Variants in ANKRD36 observed in about 807,000 individuals in gnomAD.
ANKRD36 encodes ankyrin repeat domain 36, also known as ankyrin repeat domain-containing protein 36A.
ANKRD36 carries 179 observed loss-of-function variants against 278.1 expected under a neutral mutation model. That is an observed-to-expected ratio of 0.64 (90% CI 0.57 to 0.73). The LOEUF (loss-of-function observed/expected upper bound fraction) is 0.73. Ranked by LOEUF, ANKRD36 falls within the 30% of genes least tolerant of loss-of-function variation. The probability of loss-of-function intolerance (pLI) is 0.00; values close to 1 mark genes in which losing one functional copy is unlikely to be tolerated. For synonymous variants in ANKRD36, 320 were observed against 641.1 expected (o/e 0.50, Z 7.57); for missense variants, 1,159 against 1,956.7 (o/e 0.59, Z 7.69).
At chr2:97,202,817 T>C (rs1487558603) in intron 48 of ANKRD36, among the ~76,000 whole-genome samples, 4 of 151,774 alleles carry the variant, frequency 2.6e-5, no homozygotes, top group South Asian at 2.1e-4. Context: ...AAGGAGACCC[T>C]TGTTGTAGCA....
intron 64 of ANKRD36, 44 bp from the exon 65 acceptor site, chr2:97,219,006 C>G (rs1301264944): frequency 6.5e-7 from 1 of 1,534,296 alleles, no homozygotes; most frequent in Non-Finnish European, 8.8e-7. Context: ...GTTGGCCTTA[C>G]CATATTTACA....
At chr2:97,195,972 G>A (rs540934297) in intron 40 of ANKRD36, among the ~76,000 whole-genome samples, 2 of 151,984 alleles carry the variant, frequency 1.3e-5, no homozygotes, top group Non-Finnish European at 2.9e-5. Flanking sequence ...GGCTAAACTA[G>A]TGGATACAAG....
intron 6 of ANKRD36, among the ~76,000 whole-genome samples, chr2:97,128,009 G>A (rs1036129739): frequency 1.3e-5 from 2 of 151,932 alleles, no homozygotes; most frequent in African/African-American, 4.8e-5. Context: ...AACATTGAAT[G>A]TAAAACATTA....
At position 97,118,496 on chromosome 2, in the gene ANKRD36, A is replaced by C; in HGVS notation, c.465A>C (p.Thr155=). The change falls in exon 3 of 76, where the codon ACA becomes ACC. Residue 155 remains threonine (T), a synonymous_variant. Transcript: ENST00000420699. ...TAGAAAAACTTCTTTCACATGGTAC[A>C]AATATTGAAGAATGCAGCAAGGTAT... ...SMIEKLLSHG[T]NIEECSKCEY... 6 of 1,595,044 alleles carry C rather than the reference A, an allele frequency of 3.8e-6. No homozygotes were observed. The highest frequency in any genetic ancestry group is 4.3e-6 in the Non-Finnish European group (5 of 1,172,152).
intron 6 of ANKRD36, among the ~76,000 whole-genome samples, chr2:97,129,289 A>C (rs1156422317): frequency 6.6e-6 from 1 of 152,078 alleles, no homozygotes; most frequent in Non-Finnish European, 1.5e-5. Flanking sequence ...GTGTCTGTTC[A>C]TATCCTTCGC....
At chr2:97,116,315 G>T (rs1489520176) in intron 1 of ANKRD36, among the ~76,000 whole-genome samples, 1 of 151,976 alleles carries the variant, frequency 6.6e-6, no homozygotes, top group Non-Finnish European at 1.5e-5. Context: ...TCACCCTGTT[G>T]CCCAGCCTGG....
At chr2:97,177,196 G>A (rs1458658757) in intron 22 of ANKRD36, among the ~76,000 whole-genome samples, 2 of 151,788 alleles carry the variant, frequency 1.3e-5, no homozygotes, top group African/African-American at 2.4e-5. Flanking sequence ...ACAAATGGAA[G>A]AACATTCCAT....
chr2:97,201,588 A>G (rs1453951540), intron 46 of ANKRD36, among the ~76,000 whole-genome samples: 1 of 151,956 alleles, frequency 6.6e-6, no homozygotes, highest in Non-Finnish European at 1.5e-5. Context: ...TAGTGGATAC[A>G]AGAAGCTTAT....
intron 5 of ANKRD36, 23 bp from the exon 6 acceptor site, chr2:97,127,044 A>G: frequency 1.0e-6 from 1 of 970,268 alleles, no homozygotes; most frequent in Non-Finnish European, 1.5e-6. Flanking sequence ...TAAAATATTA[A>G]TTTCATTTAT....
intron 34 of ANKRD36, among the ~76,000 whole-genome samples, chr2:97,190,177 A>C (rs142469633): frequency 0.064 from 5,966 of 92,612 alleles, 707 homozygotes; most frequent in East Asian, 0.13. Context: ...CTAAAATGGT[A>C]ATTTTCAATG....
At chr2:97,133,501 A>G (rs1005567507) in intron 6 of ANKRD36, among the ~76,000 whole-genome samples, 4 of 152,068 alleles carry the variant, frequency 2.6e-5, no homozygotes, top group Non-Finnish European at 4.4e-5. Flanking sequence ...TTTTAATTAT[A>G]TAGATGGTTC....
At chr2:97,137,104 A>G (rs1178924816) in intron 6 of ANKRD36, among the ~76,000 whole-genome samples, 1 of 152,004 alleles carries the variant, frequency 6.6e-6, no homozygotes, top group Non-Finnish European at 1.5e-5. Flanking sequence ...TCAAAGTCTT[A>G]TACTTTTTTT....
intron 32 of ANKRD36, among the ~76,000 whole-genome samples, chr2:97,187,783 A>T (rs2057747953): frequency 6.6e-6 from 1 of 151,870 alleles, no homozygotes; most frequent in Non-Finnish European, 1.5e-5. Context: ...CTAAGAAAAG[A>T]CAGAAAACTG....
In ANKRD36 at chr2:97,124,491, G is replaced by A; in HGVS notation, c.625G>A (p.Glu209Lys). The A allele has an allele frequency of 1.3e-6, 2 of 1,550,946 alleles. No individual in the cohort carries two copies. The highest frequency in any genetic ancestry group is 1.7e-6 in the Non-Finnish European group (2 of 1,146,542). The change falls in exon 5 of 76, where the codon GAA (glutamate) becomes AAA (lysine). Residue 209 changes from glutamate (E) to lysine (K), a missense_variant. Glu to Lys is a moderately conservative substitution (Grantham distance 56, BLOSUM62 1). Coordinates refer to ENST00000420699, the MANE Select transcript of ANKRD36 (RefSeq NM_001354587.1). ...CCTCATACATGCTGTTACTCTTGGA[G>A]AAAAAGATATAGTCATTCTTCTTCT... The part of the protein sequence containing the change: ...SALIHAVTLG[E>K]KDIVILLLQH...
At chr2:97,220,714 AT>A (rs1250390567) in intron 66 of ANKRD36, among the ~76,000 whole-genome samples, 1 of 113,888 alleles carries the variant, frequency 8.8e-6, no homozygotes, top group Non-Finnish European at 1.8e-5. Flanking sequence ...CTCTTTTATA[AT>A]ACTGATTTTC....
intron 52 of ANKRD36, among the ~76,000 whole-genome samples, chr2:97,207,484 G>C (rs13008475): frequency 0.023 from 3,546 of 151,302 alleles, 123 homozygotes; most frequent in African/African-American, 0.08. Context: ...TTGATTCTCA[G>C]GTGTATGAGT....
At chr2:97,194,819 A>G (rs1275748586) in intron 39 of ANKRD36, 26 bp from the exon 40 acceptor site, 2 of 1,601,160 alleles carry the variant, frequency 1.2e-6, no homozygotes, top group South Asian at 2.2e-5. Flanking sequence ...TACCTTATTT[A>G]TTATTTTGTT....
At chr2:97,146,851 C>A (rs1456893673) in intron 11 of ANKRD36, among the ~76,000 whole-genome samples, 1 of 151,552 alleles carries the variant, frequency 6.6e-6, no homozygotes, top group African/African-American at 2.4e-5. Flanking sequence ...TGCAGCAATG[C>A]GATCACGGTA....
At chr2:97,229,079 G>C (rs1452080893) in intron 67 of ANKRD36, among the ~76,000 whole-genome samples, 1 of 151,754 alleles carries the variant, frequency 6.6e-6, no homozygotes, top group Non-Finnish European at 1.5e-5. Flanking sequence ...TTTTGGAATA[G>C]GTGTGGTGTG....
Sources: gnomAD v4.1 joint callset for allele counts (sites outside exome capture counted in the v4.1 genomes callset) on GRCh38, gnomAD v4.1.1 for gene constraint, MANE v1.5 for transcripts, NCBI Gene and HGNC (gene_info 2026-07-23, HGNC 2026-07-21) for gene names.